ASIC2: variants seen among roughly 807,000 people sequenced by gnomAD.
ASIC2 encodes acid-sensing ion channel 2.
A neutral mutation model predicts 57.3 loss-of-function variants in ASIC2; 25 were observed. The ratio of observed to expected loss-of-function variants is 0.44; its 90% CI spans 0.32 to 0.61. The LOEUF (loss-of-function observed/expected upper bound fraction) is 0.61, where lower values mean the gene tolerates loss of function less well. Ranked by LOEUF, ASIC2 falls within the 20% of genes least tolerant of loss-of-function variation. The pLI, the probability that ASIC2 is intolerant of heterozygous loss-of-function variation, is 0.06. For synonymous variants in ASIC2, 319 were observed against 307.5 expected (o/e 1.04, Z -0.39); for missense variants, 641 against 738.1 (o/e 0.87, Z 1.52).
chr17:33,225,113 G>A (rs943671647), intron 1 of ASIC2, among the ~76,000 whole-genome samples: 3 of 152,118 alleles, frequency 2.0e-5, no homozygotes, highest in Non-Finnish European at 4.4e-5. Context: ...GCAGACCAGC[G>A]TTCTATCAAA....
At chr17:33,850,925 G>A (rs995630247) in intron 1 of ASIC2, among the ~76,000 whole-genome samples, 4 of 152,050 alleles carry the variant, frequency 2.6e-5, no homozygotes, top group Admixed American at 6.6e-5. Context: ...TTAACCTGGG[G>A]CAAGGTTGGA....
intron 1 of ASIC2, among the ~76,000 whole-genome samples, chr17:33,186,984 A>C (rs1210682001): frequency 6.6e-6 from 1 of 152,198 alleles, no homozygotes; most frequent in East Asian, 1.9e-4. Context: ...TGACCAGCTC[A>C]GTGGTTGGAC....
At chr17:33,991,059 G>A (rs931555340) in intron 1 of ASIC2, among the ~76,000 whole-genome samples, 3 of 152,158 alleles carry the variant, frequency 2.0e-5, no homozygotes, top group African/African-American at 7.2e-5. Context: ...TAAACCACAT[G>A]GGTTGTAGAT....
chr17:33,680,865 A>G (rs112161705), intron 1 of ASIC2: 2 of 152,184 alleles, frequency 1.3e-5, no homozygotes, highest in African/African-American at 2.4e-5. Context: ...CTCCTTCTAA[A>G]TATACAGTAG....
chr17:33,451,302 T>G (rs1234184144), intron 1 of ASIC2, among the ~76,000 whole-genome samples: 1 of 152,146 alleles, frequency 6.6e-6, no homozygotes, highest in Non-Finnish European at 1.5e-5. Context: ...ATGATCTGCC[T>G]GTCTCGGCCT....
chr17:33,514,312 C>T (rs1006705216), intron 1 of ASIC2, among the ~76,000 whole-genome samples: 8 of 152,198 alleles, frequency 5.3e-5, no homozygotes, highest in African/African-American at 1.9e-4. Flanking sequence ...AAATGAAATG[C>T]ACCACTGAGA....
intron 1 of ASIC2, among the ~76,000 whole-genome samples, chr17:33,946,590 C>G (rs929279390): frequency 7.9e-5 from 12 of 152,190 alleles, no homozygotes; most frequent in African/African-American, 2.7e-4. Context: ...ATGAACGAGA[C>G]ATGTTCACTG....
intron 1 of ASIC2, among the ~76,000 whole-genome samples, chr17:33,434,456 A>G (rs1391423142): frequency 6.6e-6 from 1 of 152,210 alleles, no homozygotes; most frequent in African/African-American, 2.4e-5. Context: ...TTAGGCATCT[A>G]GCCAAAAAAG....
At position 33,291,654 on chromosome 17, in the gene ASIC2, G is replaced by A. The variant is rs945526715; in HGVS notation, c.462C>T (p.Ala154=). The change falls in exon 1 of 10, where the codon GCC becomes GCT. Residue 154 remains alanine, a synonymous_variant. Transcript: ENST00000225823. ...PRLSKGDLYY[A]GHWLGLLLPN... is the part of the protein sequence containing the mutation. ...GCAGCAGCAGCCCGAGCCAGTGGCC[G>A]GCATAGTAGAGGTCCCCCTTGGAGA... The A allele has an allele frequency of 1.2e-6, 2 of 1,611,594 alleles. No homozygotes were observed. The highest frequency in any genetic ancestry group is 1.7e-6 in the Non-Finnish European group (2 of 1,178,940).
At chr17:33,231,253 C>T (rs567050598) in intron 1 of ASIC2, among the ~76,000 whole-genome samples, 2 of 152,310 alleles carry the variant, frequency 1.3e-5, no homozygotes, top group South Asian at 4.1e-4. Flanking sequence ...ATCTTCCCTG[C>T]CTTTCAGAGT....
chr17:33,546,465 T>C (rs1400142767), intron 1 of ASIC2, among the ~76,000 whole-genome samples: 1 of 152,176 alleles, frequency 6.6e-6, no homozygotes, highest in Non-Finnish European at 1.5e-5. Flanking sequence ...CACCCGAGTA[T>C]GATGAAAGAC....
chr17:33,704,561 C>A (rs1025360188), intron 1 of ASIC2, among the ~76,000 whole-genome samples: 5 of 152,168 alleles, frequency 3.3e-5, no homozygotes, highest in Admixed American at 2.6e-4. Flanking sequence ...TACTCTATGT[C>A]GCACTTCTTT....
intron 1 of ASIC2, among the ~76,000 whole-genome samples, chr17:33,923,415 T>G (rs2141966524): frequency 6.6e-6 from 1 of 152,308 alleles, no homozygotes; most frequent in African/African-American, 2.4e-5. Context: ...TCCAAGGGTC[T>G]CATTTTACAG....
chr17:33,113,769 G>T (rs190631710), intron 1 of ASIC2, among the ~76,000 whole-genome samples: 1 of 152,180 alleles, frequency 6.6e-6, no homozygotes. Context: ...CCTATTGTGC[G>T]GAGGAGGAAA....
intron 1 of ASIC2, among the ~76,000 whole-genome samples, chr17:34,048,101 T>C (rs1334089355): frequency 6.6e-6 from 1 of 152,176 alleles, no homozygotes; most frequent in Non-Finnish European, 1.5e-5. Flanking sequence ...GCCCATCCAT[T>C]GGGAGTGTCC....
At chr17:33,464,482 C>CTTTCTTTCTTTCTT (rs1394086840) in intron 1 of ASIC2, among the ~76,000 whole-genome samples, 5 of 63,638 alleles carry the variant, frequency 7.9e-5, no homozygotes, top group Middle Eastern at 6.8e-3. Context: ...TTTCTTTTCT[C>CTTTCTTTCTTTCTT]TCTTTCTTTC....
At chr17:33,199,083 A>T (rs1567781674) in intron 1 of ASIC2, among the ~76,000 whole-genome samples, 1 of 152,226 alleles carries the variant, frequency 6.6e-6, no homozygotes, top group Non-Finnish European at 1.5e-5. Context: ...TACCTCAGTT[A>T]ATTTTATGGC....
At chr17:33,994,271 G>A (rs1407097568) in intron 1 of ASIC2, among the ~76,000 whole-genome samples, 1 of 152,126 alleles carries the variant, frequency 6.6e-6, no homozygotes, top group Non-Finnish European at 1.5e-5. Context: ...ATTATAAGAA[G>A]AGCCATGTGG....
chr17:33,500,666 A>C (rs1041210510), intron 1 of ASIC2, among the ~76,000 whole-genome samples: 1 of 152,198 alleles, frequency 6.6e-6, no homozygotes, highest in East Asian at 1.9e-4. Flanking sequence ...GAGGATTTCC[A>C]GGGGGCAGGG....
Sources: allele counts gnomAD v4.1 joint callset (sites outside exome capture counted in the v4.1 genomes callset), GRCh38; gene constraint gnomAD v4.1.1; transcripts MANE v1.5; gene names NCBI Gene and HGNC (gene_info 2026-07-23, HGNC 2026-07-21).